RIN3: variants seen among roughly 807,000 people sequenced by gnomAD.
RIN3 encodes the protein Ras and Rab interactor 3.
Under a neutral mutation model 76.3 loss-of-function variants are expected in RIN3, and 54 were observed. The ratio of observed to expected loss-of-function variants is 0.71; its 90% confidence interval spans 0.57 to 0.89. The LOEUF (loss-of-function observed/expected upper bound fraction) is 0.89. Among genes scored for constraint, RIN3 ranks in the 40% least tolerant of loss-of-function variants. The probability of loss-of-function intolerance (pLI) is 0.00; values close to 1 mark genes in which losing one functional copy is unlikely to be tolerated. For synonymous variants in RIN3, 576 were observed against 564.0 expected, an observed-to-expected ratio of 1.02 and a Z score of -0.30; for missense variants, 1,256 against 1,322.1, an observed-to-expected ratio of 0.95 and a Z score of 0.78.
chr14:92,687,900 AC>A, intron 9 of RIN3, 25 bp from the exon 10 acceptor site: 1 of 1,516,546 alleles, frequency 6.6e-7, no homozygotes, highest in Non-Finnish European at 8.8e-7. Context: ...CCCCGCCGTG[AC>A]CACAGGCCCC....
chr14:92,661,995 G>C (rs1454578967), intron 7 of RIN3, among the ~76,000 whole-genome samples: 1 of 152,198 alleles, frequency 6.6e-6, no homozygotes, highest in Non-Finnish European at 1.5e-5. Flanking sequence ...GTAACCTCCA[G>C]GAAAAATCCC....
chr14:92,542,490 A>T (rs551348303), intron 1 of RIN3, among the ~76,000 whole-genome samples: 1 of 152,334 alleles, frequency 6.6e-6, no homozygotes, highest in South Asian at 2.1e-4. Flanking sequence ...TGGTGTAGCC[A>T]CTTTGGAACA....
At chr14:92,515,999 T>C (rs1431986402) in intron 1 of RIN3, among the ~76,000 whole-genome samples, 1 of 152,160 alleles carries the variant, frequency 6.6e-6, no homozygotes, top group Non-Finnish European at 1.5e-5. Flanking sequence ...GATGCCGAAC[T>C]GTGCGGAGTC....
At chr14:92,603,710 T>C (rs909473610) in intron 3 of RIN3, among the ~76,000 whole-genome samples, 2 of 152,174 alleles carry the variant, frequency 1.3e-5, no homozygotes, top group African/African-American at 4.8e-5. Flanking sequence ...TTGTCTGCTC[T>C]TCTCACTTTT....
intron 4 of RIN3, among the ~76,000 whole-genome samples, chr14:92,628,147 G>A (rs925955960): frequency 6.6e-6 from 1 of 152,110 alleles, no homozygotes; most frequent in African/African-American, 2.4e-5. Flanking sequence ...AGATAGGGAG[G>A]GCTAATAGAT....
At chr14:92,558,887 CTTT>C (rs61202055) in intron 2 of RIN3, among the ~76,000 whole-genome samples, 2 of 130,758 alleles carry the variant, frequency 1.5e-5, no homozygotes, top group Non-Finnish European at 3.2e-5. Flanking sequence ...CTTTTCTTTT[CTTT>C]TTTTTTTTTT....
Position 92,617,332 on chromosome 14 carries a change from A to T in RIN3, c.440+1853A>T, listed in dbSNP as rs981929146. ...AAAACCAAAATAAATAAATTTAAAA[A>T]TTCCCCCCTTTTTGGTCACGTTCTC... On this transcript the variant is annotated intron_variant, in intron 4 of 9. Transcript: ENST00000216487. Among the ~76,000 whole-genome samples, 24 of 151,864 alleles carry T rather than the reference A, an allele frequency of 1.6e-4. No individual in the cohort carries two copies. The Middle Eastern group carries it at 9.5e-3, about 60-fold the overall frequency.
intron 7 of RIN3, among the ~76,000 whole-genome samples, chr14:92,662,712 G>C (rs1346549592): frequency 6.6e-6 from 1 of 152,200 alleles, no homozygotes; most frequent in Non-Finnish European, 1.5e-5. Flanking sequence ...CATGATGAGG[G>C]AGACAGCTTT....
intron 1 of RIN3, among the ~76,000 whole-genome samples, chr14:92,552,851 C>A (rs1419860490): frequency 6.6e-6 from 1 of 151,884 alleles, no homozygotes; most frequent in Admixed American, 6.6e-5. Flanking sequence ...AATGTAAATA[C>A]CGTGAAGGTT....
chr14:92,606,533 G>A (rs1399545175), intron 3 of RIN3, among the ~76,000 whole-genome samples: 1 of 151,676 alleles, frequency 6.6e-6, no homozygotes, highest in African/African-American at 2.4e-5. Flanking sequence ...TAACGGAGCA[G>A]GACCCTGTCT....
At chr14:92,569,070 A>G (rs1661066813) in intron 2 of RIN3, among the ~76,000 whole-genome samples, 1 of 152,150 alleles carries the variant, frequency 6.6e-6, no homozygotes, top group Admixed American at 6.5e-5. Context: ...CTGCCGTTTT[A>G]ACTTCTGCCT....
chr14:92,674,599 G>C (rs1450432205), intron 7 of RIN3, among the ~76,000 whole-genome samples: 2 of 152,070 alleles, frequency 1.3e-5, no homozygotes, highest in East Asian at 3.9e-4. Flanking sequence ...GTGAAACCCT[G>C]TCTCAAAGGC....
chr14:92,668,590 G>A (rs1888187325), intron 7 of RIN3, among the ~76,000 whole-genome samples: 1 of 152,182 alleles, frequency 6.6e-6, no homozygotes, highest in South Asian at 2.1e-4. Flanking sequence ...GGAGAGAGGG[G>A]GCTGGGTTCT....
intron 2 of RIN3, among the ~76,000 whole-genome samples, chr14:92,562,245 G>A (rs911837327): frequency 6.6e-6 from 1 of 152,178 alleles, no homozygotes; most frequent in Non-Finnish European, 1.5e-5. Context: ...ATCATATGAA[G>A]GCAACAGACT....
Position 92,623,293 on chromosome 14 carries a change from A to G in RIN3, c.440+7814A>G, listed in dbSNP as rs1886246033. ...GGGTTCCTATCATAACACAAACTCCACCTTTTTCTGCTAATATCATATCTA... is the reference window on the plus strand; with the variant it reads ...GGGTTCCTATCATAACACAAACTCCGCCTTTTTCTGCTAATATCATATCTA... On this transcript the variant is annotated intron_variant, in intron 4 of 9. Transcript: ENST00000216487. The surrounding 1 kb of genome is among the most constrained non-coding windows in gnomAD (Gnocchi z 4.9). Among the ~76,000 whole-genome samples, 1 of 152,032 alleles carries G rather than the reference A, an allele frequency of 6.6e-6. No homozygotes were observed. The highest frequency in any genetic ancestry group is 2.4e-5 in the African/African-American group (1 of 41,374).
intron 1 of RIN3, among the ~76,000 whole-genome samples, chr14:92,527,693 G>A (rs11849047): frequency 0.19 from 28,334 of 152,006 alleles, 3,304 homozygotes; most frequent in Admixed American, 0.29. Flanking sequence ...GCAGACCCCC[G>A]CGTTTCTGCT....
intron 1 of RIN3, among the ~76,000 whole-genome samples, chr14:92,536,881 C>A (rs1320699007): frequency 6.6e-6 from 1 of 151,918 alleles, no homozygotes; most frequent in Non-Finnish European, 1.5e-5. Flanking sequence ...TTATAGCATT[C>A]TTTTAAAGGA....
chr14:92,664,560 C>T (rs1435217381), intron 7 of RIN3, among the ~76,000 whole-genome samples: 4 of 151,056 alleles, frequency 2.6e-5, no homozygotes, highest in East Asian at 3.9e-4. Context: ...TTAGTAGAAA[C>T]GGGGTTTCAC....
intron 5 of RIN3, chr14:92,644,518 G>A (rs1887128285): frequency 6.6e-6 from 1 of 152,162 alleles, no homozygotes; most frequent in Non-Finnish European, 1.5e-5. Context: ...GGAGGAAGTG[G>A]AGAAGGGAGG....
Sources: allele counts gnomAD v4.1 joint callset (sites outside exome capture counted in the v4.1 genomes callset), GRCh38; gene constraint gnomAD v4.1.1; non-coding constraint Gnocchi (gnomAD v3.1); transcripts MANE v1.5; gene names NCBI Gene and HGNC (gene_info 2026-07-23, HGNC 2026-07-21).